PATL1: variants seen among roughly 807,000 people sequenced by gnomAD.
PATL1 encodes PAT1 homolog 1, processing body mRNA decay factor, also known as protein PAT1 homolog 1.
A neutral mutation model predicts 100.6 loss-of-function variants in PATL1; 32 were observed. The observed-to-expected ratio is 0.32, with a 90% CI of 0.24 to 0.43. PATL1 has a LOEUF of 0.43. Among genes scored for constraint, PATL1 ranks in the 20% least tolerant of loss-of-function variants. The probability of loss-of-function intolerance (pLI) is 1.00; values close to 1 mark genes in which losing one functional copy is unlikely to be tolerated. For missense variants in PATL1, 747 were observed against 949.9 expected (o/e 0.79, Z 2.81); for synonymous variants, 332 against 330.0 (o/e 1.01, Z -0.07).
intron 18 of PATL1, 78 bp from the exon 19 acceptor site, chr11:59,638,489 T>C (rs1407004800): frequency 8.4e-6 from 11 of 1,305,212 alleles, no homozygotes; most frequent in African/African-American, 2.9e-5. Flanking sequence ...TACAGTTACA[T>C]CTTTGTAAGA....
chr11:59,653,973 G>T lies in PATL1; in HGVS notation c.1121+10C>A, dbSNP rs760421254. 2.5e-6 allele frequency: 4 copies of T among 1,598,186 alleles called. No individual in the cohort carries two copies. The highest frequency in any genetic ancestry group is 2.6e-6 in the Non-Finnish European group (3 of 1,165,602). On this transcript the variant is annotated intron_variant, in intron 9 of 18. Coordinates refer to ENST00000300146, the MANE Select transcript of PATL1 (RefSeq NM_152716.3). ...TTAAGAAGCCATAAAGGAATCGGAT[G>T]AGTACTTACCTTCTATTCTGTTGCT...
At chr11:59,655,501 C>G (rs755559530) in intron 8 of PATL1, 22 bp downstream of exon 8, 1 of 1,517,598 alleles carries the variant, frequency 6.6e-7, no homozygotes, top group Non-Finnish European at 8.9e-7. Context: ...AACTGATAAA[C>G]AGTGGCGTTG....
At chr11:59,652,064 C>CAAAA (rs748019832) in intron 11 of PATL1, among the ~76,000 whole-genome samples, 2,127 of 52,928 alleles carry the variant, frequency 0.04, 278 homozygotes, top group East Asian at 0.12. Context: ...GGCTCTTTCT[C>CAAAA]AAAAAAAAAA....
In PATL1 at chr11:59,647,761, T is replaced by C; in HGVS notation, c.1886A>G (p.Gln629Arg). 1 of 1,613,984 alleles carries C rather than the reference T, an allele frequency of 6.2e-7. No individual in the cohort carries two copies. Among genetic ancestry groups the C allele is most frequent in the Non-Finnish European group, 8.5e-7 (1 of 1,179,868 alleles). The change falls in exon 15 of 19, where the codon CAA (glutamine) becomes CGA (arginine). Residue 629 changes from glutamine (Q) to arginine (R), a missense_variant. By Grantham distance (43) the Gln-to-Arg change is conservative. This residue lies in a region of PATL1 where 434 missense variants were observed against 596.1 expected (regional missense o/e 0.73). Coordinates refer to ENST00000300146, the MANE Select transcript of PATL1 (RefSeq NM_152716.3). ...NLPFLIKKDA[Q>R]DEVLPCLLSP... is the part of the protein sequence containing the mutation. ...CCCATCTTGCATAGTCACCTCATCT[T>C]GTGCATCCTTCTTGATAAGGAAAGG...
intron 8 of PATL1, 61 bp downstream of exon 8, chr11:59,655,462 C>A: frequency 7.4e-7 from 1 of 1,348,170 alleles, no homozygotes. Flanking sequence ...TATAAAACTA[C>A]ACATCCACAA....
At position 59,655,585 on chromosome 11, in the gene PATL1, G is replaced by A; in HGVS notation, c.969C>T (p.Pro323=). ...PGFRAFFSAP[P]SATPPPQQHP... is the part of the protein sequence containing the mutation. ...GCTGCTGTGGAGGTGGTGTAGCGGA[G>A]GGTGGAGCACTAAAGAAGGCACGGA... The change falls in exon 8 of 19, where the codon CCC becomes CCT. Residue 323 remains proline, a synonymous_variant. Coordinates refer to ENST00000300146, the MANE Select transcript of PATL1 (RefSeq NM_152716.3). 1.3e-6 allele frequency: 2 copies of A among 1,591,758 alleles called. No homozygotes were observed. Among genetic ancestry groups the A allele is most frequent in the Non-Finnish European group, 1.7e-6 (2 of 1,168,802 alleles).
rs932928734 is a variant in PATL1 at position 59,652,370 on chromosome 11, A to G, written c.1426+94T>C. 6 of 1,458,198 alleles carry G rather than the reference A, an allele frequency of 4.1e-6. No homozygotes were observed. In the East Asian group the frequency reaches 7.0e-5, roughly 17 times the overall value. 90.3% of individuals were successfully genotyped at this position (1,458,198 alleles called of 1,614,324 possible). ...TAAAATCACTTTGAAACATCTTTGC[A>G]TATCCTTCCACATATACACTTGTCT... is the stretch of plus-strand genomic sequence containing the variant. On this transcript the variant is annotated intron_variant, in intron 11 of 18. Transcript: ENST00000300146.
At chr11:59,666,007 G>A (rs1410214124) in intron 2 of PATL1, among the ~76,000 whole-genome samples, 1 of 152,014 alleles carries the variant, frequency 6.6e-6, no homozygotes, top group African/African-American at 2.4e-5. Context: ...GTATCTATAG[G>A]CTGGGCGCGG....
chr11:59,668,815 G>GGA, intron 1 of PATL1, 66 bp downstream of exon 1: 2 of 897,434 alleles, frequency 2.2e-6, no homozygotes, highest in Non-Finnish European at 3.4e-6. Context: ...ACCGGCGCGC[G>GGA]GAGAGAGAGT....
At chr11:59,653,509 T>C (rs1861476503) in intron 9 of PATL1, among the ~76,000 whole-genome samples, 1 of 152,198 alleles carries the variant, frequency 6.6e-6, no homozygotes, top group Non-Finnish European at 1.5e-5. Context: ...TAAATATCCA[T>C]TTACCCATCA....
intron 1 of PATL1, 86 bp from the exon 2 acceptor site, chr11:59,667,050 C>T (rs1219799056): frequency 6.8e-7 from 1 of 1,466,930 alleles, no homozygotes; most frequent in Non-Finnish European, 9.0e-7. Flanking sequence ...CTTACCTTCT[C>T]AATGAACATA....
intron 5 of PATL1, chr11:59,657,151 G>A: frequency 1.0e-6 from 1 of 983,820 alleles, no homozygotes; most frequent in Non-Finnish European, 1.2e-6. Context: ...GACTGCACAG[G>A]CTCTAGGGAA....
intron 14 of PATL1, 58 bp downstream of exon 14, chr11:59,649,404 C>T: frequency 6.4e-7 from 1 of 1,571,086 alleles, no homozygotes; most frequent in Non-Finnish European, 8.6e-7. Context: ...GTATGAAATC[C>T]AGTTATGACA....
At chr11:59,663,758 T>G (rs183763739) in intron 2 of PATL1, among the ~76,000 whole-genome samples, 2 of 152,268 alleles carry the variant, frequency 1.3e-5, no homozygotes, top group East Asian at 1.9e-4. Flanking sequence ...TGACCATTTG[T>G]AGCCAGTGAC....
At position 59,656,620 on chromosome 11, in the gene PATL1, T is replaced by C. The variant is rs761506940; in HGVS notation, c.622-20A>G. 2.7e-5 allele frequency: 43 copies of C among 1,595,876 alleles called. No individual in the cohort carries two copies. In the Admixed American group the frequency reaches 3.0e-4, roughly 11 times the overall value. ...CAGAATCTATCAGGACAAACATATA[T>C]ACAACTACACTCAATGAAATCAGTT... On this transcript the variant is annotated intron_variant, in intron 5 of 18. Transcript: ENST00000300146.
Position 59,666,938 on chromosome 11 carries a change from T to C in PATL1, c.42A>G (p.Glu14=). ...YESLEDCPLD[E]DEDAFQGLGE... ...CCAGTCCCTGAAATGCATCTTCATCTTCATCCAGAGGACAATCCTCCAAAG... is the reference window on the plus strand; with the variant it reads ...CCAGTCCCTGAAATGCATCTTCATCCTCATCCAGAGGACAATCCTCCAAAG... Residue 14 remains glutamate (E), a synonymous_variant, in exon 2 of 19, where the codon GAA becomes GAG. Coordinates refer to ENST00000300146, the MANE Select transcript of PATL1 (RefSeq NM_152716.3). 1 of 1,550,502 alleles carries C rather than the reference T, an allele frequency of 6.4e-7. No homozygotes were observed.
chr11:59,649,365 G>T, intron 14 of PATL1, 97 bp downstream of exon 14: 1 of 1,229,790 alleles, frequency 8.1e-7, no homozygotes. Context: ...TACAGAGATG[G>T]TAGGGAAGTG....
chr11:59,659,491 G>GT (rs1565135514), intron 2 of PATL1, 22 bp from the exon 3 acceptor site: 2 of 1,538,902 alleles, frequency 1.3e-6, no homozygotes, highest in South Asian at 2.4e-5. Flanking sequence ...CACAGTTCAT[G>GT]TAAGAAATAG....
intron 14 of PATL1, 42 bp from the exon 15 acceptor site, chr11:59,647,955 T>A: frequency 6.5e-7 from 1 of 1,547,632 alleles, no homozygotes; most frequent in Non-Finnish European, 8.7e-7. Context: ...GCAAGAACAA[T>A]TAAGAAACCC....
Sources: gnomAD v4.1 joint callset for allele counts (sites outside exome capture counted in the v4.1 genomes callset) on GRCh38, gnomAD v4.1.1 for gene constraint, gnomAD v4.1.1 regional missense constraint, MANE v1.5 for transcripts, NCBI Gene and HGNC (gene_info 2026-07-23, HGNC 2026-07-21) for gene names.